The following LINGO2 variants were observed in gnomAD, a reference collection of about 807,000 sequenced individuals.
The protein encoded by LINGO2 is leucine-rich repeat and immunoglobulin-like domain-containing nogo receptor-interacting protein 2.
In LINGO2, 14 loss-of-function variants were observed where a neutral mutation model predicts 30.6. The observed-to-expected ratio is 0.46, with a 90% CI of 0.30 to 0.72. The LOEUF is 0.72. LINGO2 is among the 30% of genes least tolerant of loss of function. The pLI is 0.07. For missense variants in LINGO2, 729 were observed against 751.7 expected, an observed-to-expected ratio of 0.97 and a Z score of 0.35; for synonymous variants, 317 against 288.5, an observed-to-expected ratio of 1.10 and a Z score of -1.00.
intron 2 of LINGO2, among the ~76,000 whole-genome samples, chr9:28,415,775 C>T (rs1046956382): frequency 2.6e-5 from 4 of 152,068 alleles, no homozygotes; most frequent in African/African-American, 9.7e-5. Context: ...ACTATATGTT[C>T]CATGAGAGCT....
At chr9:28,055,181 C>T (rs1409271017) in intron 4 of LINGO2, among the ~76,000 whole-genome samples, 2 of 152,058 alleles carry the variant, frequency 1.3e-5, no homozygotes, top group African/African-American at 4.8e-5. Flanking sequence ...TGTAAATTGG[C>T]TTAATTTTTT....
chr9:28,285,124 A>C (rs1354701638), intron 4 of LINGO2, among the ~76,000 whole-genome samples: 1 of 152,174 alleles, frequency 6.6e-6, no homozygotes, highest in Non-Finnish European at 1.5e-5. Context: ...TATCTCACTT[A>C]CCTCTGGAGA....
the LINGO2 span, among the ~76,000 whole-genome samples, chr9:29,037,239 T>A: frequency 6.6e-6 from 1 of 151,934 alleles, no homozygotes; most frequent in Non-Finnish European, 1.5e-5. Context: ...GACTCCTTAA[T>A]ATTATAATTT....
At position 28,640,109 on chromosome 9, in the gene LINGO2, G is replaced by A. The variant is rs1456528253; in HGVS notation, c.-365+30091C>T. Among the ~76,000 whole-genome samples the A allele has an allele frequency of 1.2e-4, 18 of 152,158 alleles. No homozygotes were observed. In the East Asian group the frequency reaches 3.5e-3, roughly 29 times the overall value. Reference sequence around the variant, plus strand: ...TAGTTTGGCTGGATATGAAATTCTGGGTTGAAAATTCTTTTCTTTAAGAAT... The same window carrying A: ...TAGTTTGGCTGGATATGAAATTCTGAGTTGAAAATTCTTTTCTTTAAGAAT... On this transcript the variant is annotated intron_variant, in intron 1 of 5. Coordinates refer to ENST00000379992, the Ensembl canonical transcript of LINGO2.
chr9:28,952,860 T>G, the LINGO2 span, among the ~76,000 whole-genome samples: 1 of 152,182 alleles, frequency 6.6e-6, no homozygotes, highest in Non-Finnish European at 1.5e-5. Context: ...TTTTAAGTCA[T>G]TAAGTTTTGA....
the LINGO2 span, among the ~76,000 whole-genome samples, chr9:28,940,992 C>A: frequency 7.1e-6 from 1 of 140,710 alleles, no homozygotes; most frequent in African/African-American, 2.7e-5. Flanking sequence ...ATGTCTTTGC[C>A]CCAGTCACAC....
intron 5 of LINGO2, among the ~76,000 whole-genome samples, chr9:27,999,384 C>T (rs1821829113): frequency 6.6e-6 from 1 of 151,502 alleles, no homozygotes; most frequent in South Asian, 2.1e-4. Context: ...GGCCGACGAA[C>T]TGCAGATTTG....
At chr9:28,811,826 CCATTCATTCATT>C in the LINGO2 span, among the ~76,000 whole-genome samples, 4 of 151,884 alleles carry the variant, frequency 2.6e-5, no homozygotes, top group African/African-American at 4.8e-5. Context: ...TATTCATTTG[CCATTCATTCATT>C]CATTCATTCA....
intron 4 of LINGO2, among the ~76,000 whole-genome samples, chr9:28,206,756 T>C (rs942248509): frequency 1.3e-5 from 2 of 152,210 alleles, no homozygotes; most frequent in African/African-American, 4.8e-5. Flanking sequence ...GAAGCATTAC[T>C]ATTAAGACCA....
chr9:29,082,612 G>T, the LINGO2 span, among the ~76,000 whole-genome samples: 5 of 151,848 alleles, frequency 3.3e-5, no homozygotes, highest in Non-Finnish European at 7.4e-5. Context: ...GCTTCTGCAC[G>T]GCAAAAGAAA....
chr9:29,209,246 G>A, the LINGO2 span, among the ~76,000 whole-genome samples: 2 of 152,018 alleles, frequency 1.3e-5, no homozygotes, highest in Non-Finnish European at 2.9e-5. Flanking sequence ...TTCCAGAAAC[G>A]AAAGGCAGTG....
the LINGO2 span, among the ~76,000 whole-genome samples, chr9:29,166,910 G>A: frequency 6.6e-6 from 1 of 151,920 alleles, no homozygotes; most frequent in African/African-American, 2.4e-5. Context: ...AAAAATATAA[G>A]CAGGCAGAGA....
chr9:28,768,058 C>A, the LINGO2 span, among the ~76,000 whole-genome samples: 4 of 152,048 alleles, frequency 2.6e-5, no homozygotes, highest in Non-Finnish European at 5.9e-5. Context: ...TTTAATTGTA[C>A]CATATTATTT....
At chr9:28,750,823 G>A in the LINGO2 span, among the ~76,000 whole-genome samples, 5 of 152,048 alleles carry the variant, frequency 3.3e-5, no homozygotes, top group Admixed American at 3.3e-4. Context: ...GTGGAAGGCG[G>A]TCTGCCACGG....
chr9:28,177,100 G>T (rs574912300), intron 4 of LINGO2, among the ~76,000 whole-genome samples: 1 of 152,194 alleles, frequency 6.6e-6, no homozygotes, highest in South Asian at 2.1e-4. Context: ...AGAAAGATGT[G>T]GATGCATCTA....
At chr9:28,337,098 T>TTA (rs977033595) in intron 3 of LINGO2, among the ~76,000 whole-genome samples, 9 of 149,252 alleles carry the variant, frequency 6.0e-5, no homozygotes, top group African/African-American at 2.0e-4. Flanking sequence ...AGCATAAATA[T>TTA]TATATATATA....
chr9:29,132,560 C>A, the LINGO2 span, among the ~76,000 whole-genome samples: 9 of 152,160 alleles, frequency 5.9e-5, no homozygotes, highest in Non-Finnish European at 1.3e-4. Context: ...ATTTAAGCCA[C>A]AGAAAATAAA....
At chr9:28,555,652 C>G (rs946960219) in intron 1 of LINGO2, among the ~76,000 whole-genome samples, 1 of 151,958 alleles carries the variant, frequency 6.6e-6, no homozygotes, top group Non-Finnish European at 1.5e-5. Flanking sequence ...TTTTATGAGG[C>G]CAGCATCATT....
At chr9:28,112,040 C>A (rs1349392652) in intron 4 of LINGO2, among the ~76,000 whole-genome samples, 2 of 116,384 alleles carry the variant, frequency 1.7e-5, no homozygotes, top group Non-Finnish European at 3.6e-5. Context: ...GGTATATCTC[C>A]CAATGCTATC....
Sources: allele counts gnomAD v4.1 joint callset (sites outside exome capture counted in the v4.1 genomes callset), GRCh38; gene constraint gnomAD v4.1.1; transcripts MANE v1.5; gene names NCBI Gene and HGNC (gene_info 2026-07-23, HGNC 2026-07-21).